Variants in PRKG1 observed in about 807,000 individuals in gnomAD.
PRKG1 encodes cGMP-dependent protein kinase 1.
Under a neutral mutation model 88.1 loss-of-function variants are expected in PRKG1, and 35 were observed. The ratio of observed to expected loss-of-function variants is 0.40; its 90% CI spans 0.30 to 0.53. The LOEUF is 0.53. Among genes scored for constraint, PRKG1 ranks in the 20% least tolerant of loss-of-function variants. PRKG1 has a pLI of 0.59. For synonymous variants in PRKG1, 303 were observed against 292.5 expected (o/e 1.04, Z -0.37); for missense variants, 540 against 839.8 (o/e 0.64, Z 4.41).
chr10:51,286,074 A>G (rs892657186), intron 2 of PRKG1, among the ~76,000 whole-genome samples: 10 of 152,172 alleles, frequency 6.6e-5, no homozygotes, highest in Middle Eastern at 6.8e-3. Flanking sequence ...AGTTTCAAGC[A>G]ATTCTTGGAT....
At chr10:52,100,518 T>G (rs923398493) in intron 7 of PRKG1, among the ~76,000 whole-genome samples, 41 of 152,208 alleles carry the variant, frequency 2.7e-4, no homozygotes, top group African/African-American at 9.6e-4. Context: ...ATGCTATAGA[T>G]TTACTGTTGA....
rs1271509367 is a variant in PRKG1, at chr10:52,193,562, A to AC, written c.1076+31600dup. On this transcript the variant is annotated intron_variant, in intron 9 of 17. Transcript: ENST00000373980. The stretch of plus-strand genomic sequence containing the variant: ...AGACTCTGTCTCAAAAAAAAAAAAA[A>AC]CAAAAAAAAAAAACAAAAAAAAAAC... 9.8e-4 allele frequency among the ~76,000 whole-genome samples: 118 copies of AC among 120,058 alleles called. 2 individuals carry two copies. The highest frequency in any genetic ancestry group is 1.6e-3 in the Non-Finnish European group (99 of 61,524). The allele number at this position is 120,058 out of a possible 152,430, so 78.8% of individuals were successfully genotyped here.
chr10:51,381,301 G>T (rs1321308614), intron 2 of PRKG1, among the ~76,000 whole-genome samples: 2 of 65,114 alleles, frequency 3.1e-5, no homozygotes, highest in South Asian at 5.0e-4. Context: ...AAAAAAAAAA[G>T]GAAATGAAAA....
At chr10:51,340,581 G>A (rs1368080206) in intron 2 of PRKG1, among the ~76,000 whole-genome samples, 1 of 152,132 alleles carries the variant, frequency 6.6e-6, no homozygotes, top group Non-Finnish European at 1.5e-5. Context: ...GTCTCTTTTA[G>A]GTCATGAGCC....
At chr10:51,408,651 A>G (rs1019121600) in intron 2 of PRKG1, among the ~76,000 whole-genome samples, 2 of 152,190 alleles carry the variant, frequency 1.3e-5, no homozygotes, top group South Asian at 4.2e-4. Context: ...CAAATTGGGC[A>G]CTCAGCAGTG....
chr10:51,949,055 A>G (rs1306639074), intron 5 of PRKG1, among the ~76,000 whole-genome samples: 2 of 152,194 alleles, frequency 1.3e-5, no homozygotes, highest in Non-Finnish European at 2.9e-5. Context: ...CTGCATGTCC[A>G]ACACTTTAGG....
chr10:52,029,835 C>T (rs541489601), intron 5 of PRKG1, among the ~76,000 whole-genome samples: 8 of 152,114 alleles, frequency 5.3e-5, no homozygotes, highest in Non-Finnish European at 1.0e-4. Flanking sequence ...TATCTGGCTG[C>T]GTGCTGGACA....
chr10:51,864,058 C>T (rs34707821), intron 4 of PRKG1, among the ~76,000 whole-genome samples: 7,939 of 152,258 alleles, frequency 0.052, 265 homozygotes, highest in Admixed American at 0.11. Flanking sequence ...AGGGGACCAA[C>T]TGCCCCAGTT....
At chr10:51,485,011 A>T (rs1840488313) in intron 3 of PRKG1, among the ~76,000 whole-genome samples, 1 of 152,186 alleles carries the variant, frequency 6.6e-6, no homozygotes, top group South Asian at 2.1e-4. Context: ...ATTGAATACT[A>T]GGGAAATTTG....
chr10:51,344,397 C>T (rs1247962538), intron 2 of PRKG1, among the ~76,000 whole-genome samples: 1 of 152,160 alleles, frequency 6.6e-6, no homozygotes, highest in Admixed American at 6.5e-5. Flanking sequence ...CACAAGGCCC[C>T]ACCACCAACA....
rs1223588085 is a variant in PRKG1 at position 51,181,224 on chromosome 10, A to ATTTTTTTTTTT, written c.478+27912_478+27922dup. 7.2e-4 allele frequency among the ~76,000 whole-genome samples: 56 copies of ATTTTTTTTTTT among 78,286 alleles called. 4 individuals are homozygous for ATTTTTTTTTTT. The highest frequency in any genetic ancestry group is 1.2e-3 in the African/African-American group (23 of 19,810). 51.4% of individuals were successfully genotyped at this position (78,286 alleles called of 152,430 possible). On this transcript the variant is annotated intron_variant, in intron 2 of 17. Transcript: ENST00000373980. Reference sequence around the variant, plus strand: ...AAGCTGACCAAGATTATTATATAGAATTTTTTTTTTTTTTTTTTTTTTTTT... The same window carrying ATTTTTTTTTTT: ...AAGCTGACCAAGATTATTATATAGAATTTTTTTTTTTTTTTTTTTTTTTTTTTTTTTTTTTT...
intron 1 of PRKG1, among the ~76,000 whole-genome samples, chr10:51,041,454 T>TGAGTCTCACCCAAGGCCC (rs1345442427): frequency 6.6e-6 from 1 of 152,190 alleles, no homozygotes. Flanking sequence ...GGCATAGGTC[T>TGAGTCTCACCCAAGGCCC]GAGTCTCACC....
chr10:51,604,820 C>A (rs769285097), intron 3 of PRKG1, among the ~76,000 whole-genome samples: 1 of 152,114 alleles, frequency 6.6e-6, no homozygotes, highest in Non-Finnish European at 1.5e-5. Flanking sequence ...CCCAAGTGGG[C>A]GTGTGTTACA....
intron 12 of PRKG1, among the ~76,000 whole-genome samples, chr10:52,273,323 G>C (rs1399591954): frequency 6.6e-6 from 1 of 151,746 alleles, no homozygotes; most frequent in African/African-American, 2.4e-5. Context: ...TCATACAAAA[G>C]TCATCTTTGT....
chr10:51,832,977 C>T (rs895778739), intron 4 of PRKG1, among the ~76,000 whole-genome samples: 15 of 152,018 alleles, frequency 9.9e-5, no homozygotes, highest in African/African-American at 2.7e-4. Context: ...TGGTTAATGT[C>T]GATTACAGGG....
intron 3 of PRKG1, among the ~76,000 whole-genome samples, chr10:51,766,315 C>T (rs534933277): frequency 7.2e-5 from 11 of 152,264 alleles, no homozygotes; most frequent in South Asian, 4.2e-4. Flanking sequence ...CCTCCTAGTG[C>T]GCATGCAGGC....
In PRKG1 at chr10:52,282,299, T is replaced by A; in HGVS notation, c.1692T>A (p.Tyr564Ter). 1.2e-6 allele frequency: 2 copies of A among 1,602,094 alleles called. No homozygotes were observed. The highest frequency in any genetic ancestry group is 1.3e-5 in the African/African-American group (1 of 74,554). Residue 564 changes from tyrosine (Y) to a stop codon, truncating the protein, a stop_gained, in exon 14 of 18, where the codon TAT (tyrosine) becomes TAA (stop). Transcript: ENST00000373980. LOFTEE classifies it high-confidence loss of function. ...ADYWSLGILM[Y>*]ELLTGSPPFS... is the part of the protein sequence containing the mutation. ...ACTGGTCACTGGGAATCCTAATGTATGAACTCCTGACTGGCAGGTATGGAT... is the reference window on the plus strand; with the variant it reads ...ACTGGTCACTGGGAATCCTAATGTAAGAACTCCTGACTGGCAGGTATGGAT...
intron 2 of PRKG1, 143 bp downstream of exon 2, chr10:51,153,473 T>A: frequency 1.3e-6 from 1 of 744,650 alleles, no homozygotes; most frequent in Non-Finnish European, 2.0e-6. Context: ...GTTGAAACAC[T>A]ACTTAGATAA....
rs536763482 is a variant in PRKG1, at chr10:51,597,724, T to C, written c.592+129888T>C. Among the ~76,000 whole-genome samples the C allele has an allele frequency of 4.6e-5, 7 of 152,266 alleles. No homozygotes were observed. The East Asian group carries it at 1.4e-3, about 29-fold the overall frequency. On this transcript the variant is annotated intron_variant, in intron 3 of 17. Coordinates refer to ENST00000373980, the MANE Select transcript of PRKG1 (RefSeq NM_006258.4). ...GATGCACGAGAAGGTATGTGTGACC[T>C]TCCAGAAAGTAATAGAAGTGTGAGA...
Sources: allele counts gnomAD v4.1 joint callset (sites outside exome capture counted in the v4.1 genomes callset), GRCh38; gene constraint gnomAD v4.1.1; transcripts MANE v1.5; gene names NCBI Gene and HGNC (gene_info 2026-07-23, HGNC 2026-07-21).